The following CPLANE1 variants were observed in gnomAD, a reference collection of about 807,000 sequenced individuals.
The protein encoded by CPLANE1 is ciliogenesis and planar polarity effector 1.
CPLANE1 carries 263 observed loss-of-function variants against 362.5 expected under a neutral mutation model. The observed-to-expected ratio is 0.73, with a 90% CI of 0.66 to 0.80. CPLANE1 has a LOEUF of 0.80. Among genes scored for constraint, CPLANE1 ranks in the 30% least tolerant of loss-of-function variants. CPLANE1 has a pLI of 0.00. For missense variants in CPLANE1, 3,461 were observed against 3,793.4 expected (o/e 0.91, Z 2.30); for synonymous variants, 1,212 against 1,302.6 (o/e 0.93, Z 1.50).
intron 13 of CPLANE1, 23 bp from the exon 14 acceptor site, chr5:37,224,356 T>C: frequency 6.8e-7 from 1 of 1,465,838 alleles, no homozygotes; most frequent in Non-Finnish European, 9.3e-7. Flanking sequence ...TAACCAACAA[T>C]TAGTCATAGT....
chr5:37,183,944 T>G (rs1783314983), intron 25 of CPLANE1, among the ~76,000 whole-genome samples: 1 of 152,100 alleles, frequency 6.6e-6, no homozygotes, highest in Non-Finnish European at 1.5e-5. Flanking sequence ...TTAGAAGAGA[T>G]TAAAATGTGT....
At chr5:37,092,906 C>T in the CPLANE1 span, among the ~76,000 whole-genome samples, 9 of 152,244 alleles carry the variant, frequency 5.9e-5, no homozygotes, top group South Asian at 2.1e-4. Context: ...CATTTGTGAC[C>T]CGGGTGCAGG....
rs1021630438 is a variant in CPLANE1 at position 37,142,300 on chromosome 5, A to G, written c.8632+10T>C. 1.1e-5 allele frequency: 17 copies of G among 1,528,290 alleles called. No individual in the cohort carries two copies. Among genetic ancestry groups the G allele is most frequent in the Non-Finnish European group, 1.5e-5 (17 of 1,143,142 alleles). The allele number at this position is 1,528,290 out of a possible 1,614,324, so 94.7% of individuals were successfully genotyped here. A position where few individuals can be genotyped will look rare whatever the true frequency, so the allele number is the denominator to read the frequency against. On this transcript the variant is annotated intron_variant, in intron 44 of 52. Transcript: ENST00000651892. ...AGAGTATGTGTAAATGAAAAAGTAA[A>G]GAACAATACCAGGAGAAGTAGTATT...
chr5:37,085,487 C>T, the CPLANE1 span: 8 of 813,016 alleles, frequency 9.8e-6, no homozygotes, highest in Non-Finnish European at 1.6e-5. Flanking sequence ...ATGATGCTCA[C>T]AGCATCCGCT....
chr5:37,124,693 C>T (rs759848916), intron 47 of CPLANE1, among the ~76,000 whole-genome samples: 13 of 152,056 alleles, frequency 8.5e-5, no homozygotes, highest in Non-Finnish European at 1.8e-4. Context: ...GCTGGGACTA[C>T]AGGTGTGTGC....
chr5:37,210,399 C>G, intron 16 of CPLANE1: 1 of 1,011,762 alleles, frequency 9.9e-7, no homozygotes, highest in Admixed American at 1.8e-5. Context: ...TGACCAAAAA[C>G]TCAAGAATGA....
intron 20 of CPLANE1, among the ~76,000 whole-genome samples, chr5:37,196,876 G>C (rs1787654751): frequency 6.6e-6 from 1 of 151,764 alleles, no homozygotes; most frequent in Non-Finnish European, 1.5e-5. Flanking sequence ...GGTGAGCCGA[G>C]ACCATGCCAC....
At chr5:37,159,161 G>T in intron 38 of CPLANE1, among the ~76,000 whole-genome samples, 1 of 132,492 alleles carries the variant, frequency 7.5e-6, no homozygotes, top group Non-Finnish European at 1.5e-5. Context: ...CCGGACTGCG[G>T]ACTGCAGTGG....
intron 23 of CPLANE1, among the ~76,000 whole-genome samples, chr5:37,186,907 A>G (rs962323792): frequency 6.6e-6 from 1 of 151,896 alleles, no homozygotes; most frequent in Non-Finnish European, 1.5e-5. Flanking sequence ...AAAAAATACA[A>G]AAAATTAGCC....
chr5:37,189,107 C>A (rs954436914), intron 21 of CPLANE1, among the ~76,000 whole-genome samples: 1 of 152,220 alleles, frequency 6.6e-6, no homozygotes, highest in Admixed American at 6.5e-5. Context: ...CCTTGGATTA[C>A]AGGCATAAGC....
chr5:37,165,485 C>T, intron 36 of CPLANE1, 54 bp downstream of exon 36: 2 of 1,573,762 alleles, frequency 1.3e-6, no homozygotes, highest in Non-Finnish European at 1.7e-6. Context: ...CAAAGACATA[C>T]CAAACTCAGT....
At chr5:37,117,312 G>A (rs554059179) in intron 50 of CPLANE1, among the ~76,000 whole-genome samples, 1 of 150,286 alleles carries the variant, frequency 6.7e-6, no homozygotes, top group East Asian at 1.9e-4. Flanking sequence ...ATCTAGTATG[G>A]GGCATGAAGT....
Position 37,213,673 on chromosome 5 carries a change from C to T in CPLANE1, c.2806G>A (p.Val936Met). ...MVGGVHPEAA[V>M]RVVQSMARFM... is the part of the protein sequence containing the mutation. Reference sequence around the variant, plus strand: ...CGAGCCATGGACTGGACGACTCTCACTGCTGCCTCAGGATGAACACCGCCC... The same window carrying T: ...CGAGCCATGGACTGGACGACTCTCATTGCTGCCTCAGGATGAACACCGCCC... The change falls in exon 16 of 53, where the codon GTG becomes ATG. Residue 936 changes from valine to methionine, a missense_variant. By Grantham distance (21) the Val-to-Met change is conservative. Around this residue, in one of 2 missense-constraint regions of CPLANE1, gnomAD observed 3,380 missense variants for 3,666.1 expected, o/e 0.92. Coordinates refer to ENST00000651892, the MANE Select transcript of CPLANE1 (RefSeq NM_001384732.1). The T allele has an allele frequency of 6.5e-7, 1 of 1,543,112 alleles. No homozygotes were observed.
At chr5:37,224,414 A>C in intron 13 of CPLANE1, 81 bp from the exon 14 acceptor site, 1 of 1,300,680 alleles carries the variant, frequency 7.7e-7, no homozygotes, top group Non-Finnish European at 1.1e-6. Context: ...AATCCAGTTA[A>C]TGGAGCTCAG....
chr5:37,155,426 G>C (rs1774798086), intron 41 of CPLANE1, among the ~76,000 whole-genome samples: 1 of 152,192 alleles, frequency 6.6e-6, no homozygotes, highest in Admixed American at 6.5e-5. Flanking sequence ...CCAGGCTGGA[G>C]TGCAGTGGTG....
At chr5:37,213,222 G>C (rs886912710) in intron 16 of CPLANE1, among the ~76,000 whole-genome samples, 1 of 152,040 alleles carries the variant, frequency 6.6e-6, no homozygotes, top group African/African-American at 2.4e-5. Flanking sequence ...AAAAAGAAAA[G>C]ATTGTTTGAG....
At position 37,183,314 on chromosome 5, in the gene CPLANE1, G is replaced by A. The variant is rs1783163434; in HGVS notation, c.4867C>T (p.Pro1623Ser). The A allele has an allele frequency of 1.4e-5, 22 of 1,613,086 alleles. No individual in the cohort carries two copies. Among genetic ancestry groups the A allele is most frequent in the Non-Finnish European group, 1.9e-5 (22 of 1,179,770 alleles). Residue 1623 changes from proline (P) to serine (S), a missense_variant, in exon 26 of 53, where the codon CCT (proline) becomes TCT (serine). This residue lies in a region of CPLANE1 where 3,380 missense variants were observed against 3,666.1 expected (regional missense o/e 0.92). Transcript: ENST00000651892. ...GATTTTTCTGATTCATAGGACTCAG[G>A]AGCAACAACAAAGCAAGAACCAGCT... is the stretch of plus-strand genomic sequence containing the variant. Reference protein sequence around the residue: ...FRAGSCFVVAPESYESEKSSS... With the variant: ...FRAGSCFVVASESYESEKSSS...
intron 36 of CPLANE1, among the ~76,000 whole-genome samples, chr5:37,164,829 G>A (rs549310716): frequency 1.3e-5 from 2 of 152,328 alleles, no homozygotes; most frequent in Admixed American, 1.3e-4. Flanking sequence ...TTAAAGCTGG[G>A]CATGATGGCT....
chr5:37,090,862 C>A, the CPLANE1 span, among the ~76,000 whole-genome samples: 101 of 152,254 alleles, frequency 6.6e-4, 2 homozygotes, highest in East Asian at 0.018. Flanking sequence ...GCTCTTGAGC[C>A]CACCCTGTGT....
Sources: allele counts gnomAD v4.1 joint callset (sites outside exome capture counted in the v4.1 genomes callset), GRCh38; gene constraint gnomAD v4.1.1; regional missense constraint gnomAD v4.1.1; transcripts MANE v1.5; gene names NCBI Gene and HGNC (gene_info 2026-07-23, HGNC 2026-07-21).